The following HPS4 variants were observed in gnomAD, a reference collection of about 807,000 sequenced individuals.
The protein encoded by HPS4 is HPS4 biogenesis of lysosomal organelles complex 3 subunit 2.
HPS4 carries 44 observed loss-of-function variants against 70.3 expected under a neutral mutation model. The observed-to-expected ratio is 0.63, with a 90% CI of 0.49 to 0.80. The LOEUF is 0.80. Among genes scored for constraint, HPS4 ranks in the 30% least tolerant of loss-of-function variants. The probability of loss-of-function intolerance (pLI) is 0.00; values close to 1 mark genes in which losing one functional copy is unlikely to be tolerated. For synonymous variants in HPS4, 377 were observed against 355.9 expected (o/e 1.06, Z -0.67); for missense variants, 873 against 884.4 (o/e 0.99, Z 0.16).
At chr22:26,454,392 C>A (rs1211777005) in intron 13 of HPS4, among the ~76,000 whole-genome samples, 3 of 152,228 alleles carry the variant, frequency 2.0e-5, no homozygotes, top group Admixed American at 1.3e-4. Context: ...TTCTGAGTCC[C>A]AGCTTTTTCA....
At chr22:26,474,572 G>A (rs1017338112) in intron 4 of HPS4, among the ~76,000 whole-genome samples, 1 of 151,916 alleles carries the variant, frequency 6.6e-6, no homozygotes, top group African/African-American at 2.4e-5. Context: ...ACCATAAAAA[G>A]ATAAAATTTA....
intron 5 of HPS4, 42 bp from the exon 6 acceptor site, chr22:26,472,460 G>C (rs1569103595): frequency 7.9e-7 from 1 of 1,267,852 alleles, no homozygotes; most frequent in Non-Finnish European, 1.2e-6. Flanking sequence ...GAGATTTTGA[G>C]GGACAGATTC....
chr22:26,479,030 A>G (rs948865325), intron 3 of HPS4, among the ~76,000 whole-genome samples: 1 of 152,216 alleles, frequency 6.6e-6, no homozygotes, highest in Non-Finnish European at 1.5e-5. Flanking sequence ...TTGGGGGTAG[A>G]GGGAGGCAGA....
chr22:26,453,171 A>G lies in HPS4; in HGVS notation c.*62T>C. On this transcript the variant is annotated 3_prime_UTR_variant, in exon 14 of 14. Coordinates refer to ENST00000398145, the MANE Select transcript of HPS4 (RefSeq NM_022081.6). ...AAAATAAAATAGAGGGGCCTTTTCA[A>G]TTATAAAAGGCAGAGCTTCCTTTGC... The G allele has an allele frequency of 3.9e-6, 6 of 1,528,724 alleles. No homozygotes were observed. The highest frequency in any genetic ancestry group is 5.4e-6 in the Non-Finnish European group (6 of 1,110,094). The allele number at this position is 1,528,724 out of a possible 1,614,324, so 94.7% of individuals were successfully genotyped here. A position where few individuals can be genotyped will look rare whatever the true frequency, so the allele number is the denominator to read the frequency against.
chr22:26,480,510 G>A (rs2091169355), intron 2 of HPS4, among the ~76,000 whole-genome samples: 2 of 152,168 alleles, frequency 1.3e-5, no homozygotes, highest in South Asian at 2.1e-4. Context: ...ACACATTTAT[G>A]AGGCTATAGC....
chr22:26,464,208 T>G lies in HPS4; in HGVS notation c.1422A>C (p.Leu474Phe). Residue 474 changes from leucine (L) to phenylalanine (F), a missense_variant, in exon 11 of 14, where the codon TTA (leucine) becomes TTC (phenylalanine). Coordinates refer to ENST00000398145, the MANE Select transcript of HPS4 (RefSeq NM_022081.6). ...RTRRPLLLPR[L>F]DPGQRGNKLP... ...GCTTGTTTCCTCTCTGTCCTGGATC[T>G]AAGCGAGGCAATAACAAGGGCCTGC... 1 of 1,614,214 alleles carries G rather than the reference T, an allele frequency of 6.2e-7. No homozygotes were observed. The highest frequency in any genetic ancestry group is 8.5e-7 in the Non-Finnish European group (1 of 1,180,042).
In HPS4 at chr22:26,464,791, G is replaced by A. The variant is rs369777121; in HGVS notation, c.839C>T (p.Ser280Leu). The A allele has an allele frequency of 6.3e-7, 1 of 1,591,804 alleles. No homozygotes were observed. Among genetic ancestry groups the A allele is most frequent in the Non-Finnish European group, 8.5e-7 (1 of 1,170,972 alleles). ...LASPAGLQDG[S>L]AQHHPKGGST... ...CCCACCCTTTGGATGGTGCTGGGCT[G>A]AACCATCCTGGAGTCCTGCTGGAGA... Residue 280 changes from serine (S) to leucine (L), a missense_variant, in exon 11 of 14, where the codon TCA becomes TTA. Physicochemically the swap from Ser to Leu is moderately radical, Grantham distance 145. Coordinates refer to ENST00000398145, the MANE Select transcript of HPS4 (RefSeq NM_022081.6).
intron 6 of HPS4, 150 bp from the exon 7 acceptor site, chr22:26,470,963 T>C (rs1370277605): frequency 8.6e-6 from 13 of 1,508,954 alleles, no homozygotes; most frequent in South Asian, 1.2e-5. Context: ...AGCTGTGCCA[T>C]GGCTTGGGAC....
Position 26,470,089 on chromosome 22 carries a change from C to T in HPS4, c.596+630G>A, listed in dbSNP as rs117151580. Among the ~76,000 whole-genome samples, 151 of 152,384 alleles carry T rather than the reference C, an allele frequency of 9.9e-4. 2 individuals carry two copies. The East Asian group carries it at 0.022, about 22-fold the overall frequency. ...TAGTTGCCTGCTCCTCAGGAAGCTC[C>T]GGGCACAGCGCAATGGCCCTGCCTG... On this transcript the variant is annotated intron_variant, in intron 7 of 13. Transcript: ENST00000398145.
In HPS4 at chr22:26,454,643, G is replaced by A. The variant is rs568921898; in HGVS notation, c.1956-1239C>T. Among the ~76,000 whole-genome samples the A allele has an allele frequency of 2.0e-5, 3 of 152,300 alleles. No individual in the cohort carries two copies. The East Asian group carries it at 5.8e-4, about 29-fold the overall frequency. On this transcript the variant is annotated intron_variant, in intron 13 of 13. Coordinates refer to ENST00000398145, the MANE Select transcript of HPS4 (RefSeq NM_022081.6). ...CATAAAAACCCTAGAAGAAAACCTAGGCAATACCATTCAGGACATAGGCAT... is the reference window on the plus strand; with the variant it reads ...CATAAAAACCCTAGAAGAAAACCTAAGCAATACCATTCAGGACATAGGCAT...
In HPS4 at chr22:26,464,699, G is replaced by T. The variant is rs140732502; in HGVS notation, c.931C>A (p.Pro311Thr). The change falls in exon 11 of 14, where the codon CCC becomes ACC. Residue 311 changes from proline (P) to threonine (T), a missense_variant. Transcript: ENST00000398145. Reference sequence around the variant, plus strand: ...GGACAAGCTTCGTCAGGGGATGTGGGATCTGGGGTGGTCCAGGCCATGGAT... The same window carrying T: ...GGACAAGCTTCGTCAGGGGATGTGGTATCTGGGGTGGTCCAGGCCATGGAT... ...VESMAWTTPD[P>T]TSPDEACPDG... 528 of 1,607,562 alleles carry T rather than the reference G, an allele frequency of 3.3e-4. No homozygotes were observed. The highest frequency in any genetic ancestry group is 4.7e-4 in the Admixed American group (28 of 59,702).
chr22:26,456,113 G>A, intron 13 of HPS4, among the ~76,000 whole-genome samples: 1 of 152,344 alleles, frequency 6.6e-6, no homozygotes, highest in Middle Eastern at 3.4e-3. Context: ...TGGCGCTCAA[G>A]TGTGGCGGGT....
downstream of HPS4, among the ~76,000 whole-genome samples, chr22:26,447,746 C>CA (rs1479474698): frequency 6.6e-6 from 1 of 152,062 alleles, no homozygotes; most frequent in East Asian, 1.9e-4. Flanking sequence ...GGAAAACACT[C>CA]AAGCAGATTG....
At chr22:26,462,135 A>T (rs1205383580) in intron 11 of HPS4, among the ~76,000 whole-genome samples, 1 of 152,080 alleles carries the variant, frequency 6.6e-6, no homozygotes, top group Non-Finnish European at 1.5e-5. Context: ...TCAAAAAAAA[A>T]AAAAAAAAAG....
intron 2 of HPS4, among the ~76,000 whole-genome samples, chr22:26,479,995 A>G (rs976786992): frequency 2.6e-5 from 4 of 152,180 alleles, no homozygotes; most frequent in Non-Finnish European, 5.9e-5. Flanking sequence ...ACACTTCCTC[A>G]TTAACCGTCT....
Position 26,470,831 on chromosome 22 carries a change from C to G in HPS4, c.502-18G>C. On this transcript the variant is annotated intron_variant, in intron 6 of 13. Transcript: ENST00000398145. Reference sequence around the variant, plus strand: ...GGCTCCACCTGTGCAGGGCAAGAGGCATCATGCCCACCCATCAGCATGCTC... The same window carrying G: ...GGCTCCACCTGTGCAGGGCAAGAGGGATCATGCCCACCCATCAGCATGCTC... 1 of 1,614,012 alleles carries G rather than the reference C, an allele frequency of 6.2e-7. No homozygotes were observed. Among genetic ancestry groups the G allele is most frequent in the Non-Finnish European group, 8.5e-7 (1 of 1,179,960 alleles).
At chr22:26,462,333 C>A (rs926104360) in intron 11 of HPS4, among the ~76,000 whole-genome samples, 3 of 152,196 alleles carry the variant, frequency 2.0e-5, no homozygotes, top group Non-Finnish European at 2.9e-5. Flanking sequence ...GACCCCCTTT[C>A]TTCAGCTTCC....
intron 3 of HPS4, among the ~76,000 whole-genome samples, chr22:26,445,239 TGGGA>T (rs1455848068): frequency 6.6e-6 from 1 of 151,840 alleles, no homozygotes; most frequent in Non-Finnish European, 1.5e-5. Context: ...GAGGCTGAGG[TGGGA>T]GGATCACTTG....
rs1167388435 is a variant in HPS4, at chr22:26,452,823, C to G, written c.*410G>C. On this transcript the variant is annotated 3_prime_UTR_variant, in exon 14 of 14. Transcript: ENST00000398145. The stretch of plus-strand genomic sequence containing the variant: ...GTGCAGTCACACCGCCTACCACCAC[C>G]TGGTGTGGGGGTTGAACACACACAC... The G allele has an allele frequency of 1.5e-5, 4 of 269,882 alleles. No individual in the cohort carries two copies. The Admixed American group carries it at 1.5e-4, about 10-fold the overall frequency. The allele number at this position is 269,882 out of a possible 1,614,324, so 16.7% of individuals were successfully genotyped here.
Sources: gnomAD v4.1 joint callset for allele counts (sites outside exome capture counted in the v4.1 genomes callset) on GRCh38, gnomAD v4.1.1 for gene constraint, MANE v1.5 for transcripts, NCBI Gene and HGNC (gene_info 2026-07-23, HGNC 2026-07-21) for gene names.